Variants in CC2D1A observed in about 807,000 individuals in gnomAD.
CC2D1A encodes the protein coiled-coil and C2 domain-containing protein 1A.
CC2D1A carries 68 observed loss-of-function variants against 123.8 expected under a neutral mutation model. The observed-to-expected ratio is 0.55, with a 90% CI of 0.45 to 0.67. The LOEUF (loss-of-function observed/expected upper bound fraction) is 0.67. Among genes scored for constraint, CC2D1A ranks in the 30% least tolerant of loss-of-function variants. The pLI is 0.00. For missense variants in CC2D1A, 1,185 were observed against 1,290.3 expected, an observed-to-expected ratio of 0.92 and a Z score of 1.25; for synonymous variants, 477 against 528.0, an observed-to-expected ratio of 0.90 and a Z score of 1.32.
At chr19:13,910,064 C>A in intron 2 of CC2D1A, 106 bp downstream of exon 2, 1 of 1,121,548 alleles carries the variant, frequency 8.9e-7, no homozygotes, top group Non-Finnish European at 1.2e-6. Context: ...CAGAGAAGAC[C>A]CCTGTTCTCC....
At chr19:13,927,129 C>G (rs760259205) in intron 21 of CC2D1A, 46 bp from the exon 22 acceptor site, 64 of 1,611,000 alleles carry the variant, frequency 4.0e-5, no homozygotes, top group African/African-American at 1.7e-4. Flanking sequence ...GAGGGGAGCT[C>G]CTCTGAACCA....
rs373039847 is a variant in CC2D1A at position 13,928,169 on chromosome 19, G to T, written c.2500G>T (p.Ala834Ser). ...GAAGGCCCCTCCTGTGCCTGCCCCT[G>T]CAAGGGAGTCAGGGAACAGGTAGGT... ...KGKAPPVPAP[A>S]RESGNRSARP... Residue 834 changes from alanine (A) to serine (S), a missense_variant, in exon 24 of 29, where the codon GCA becomes TCA. By Grantham distance (99) the Ala-to-Ser change is moderately conservative. Coordinates refer to ENST00000318003, the MANE Select transcript of CC2D1A (RefSeq NM_017721.5). 1.5e-5 allele frequency: 24 copies of T among 1,613,338 alleles called. 1 individual carries two copies. Among genetic ancestry groups the T allele is most frequent in the Non-Finnish European group, 2.0e-5 (24 of 1,179,902 alleles).
chr19:13,927,140 A>T (rs1971672142), intron 21 of CC2D1A, 35 bp from the exon 22 acceptor site: 1 of 1,611,842 alleles, frequency 6.2e-7, no homozygotes, highest in South Asian at 1.1e-5. Context: ...CTCTGAACCA[A>T]CCATCCTGTC....
intron 2 of CC2D1A, 70 bp downstream of exon 2, chr19:13,910,028 G>A (rs1181306145): frequency 2.3e-5 from 33 of 1,406,940 alleles, no homozygotes; most frequent in Non-Finnish European, 2.8e-5. Flanking sequence ...AGAACTGGGG[G>A]CACTGGGTAG....
rs1970743857 is a variant in CC2D1A, at chr19:13,906,560, A to C, written c.60+59A>C. 2 of 1,183,212 alleles carry C rather than the reference A, an allele frequency of 1.7e-6. No homozygotes were observed. Among genetic ancestry groups the C allele is most frequent in the Non-Finnish European group, 2.3e-6 (2 of 883,366 alleles). 73.3% of individuals were successfully genotyped at this position (1,183,212 alleles called of 1,614,324 possible). A position where few individuals can be genotyped will look rare whatever the true frequency, so the allele number is the denominator to read the frequency against. ...CCCTCCCCACCCCCGTCACTCGCTC[A>C]GGGAAGGGCCCCACCCCCCAGGGAA... On this transcript the variant is annotated intron_variant, in intron 1 of 28. Coordinates refer to ENST00000318003, the MANE Select transcript of CC2D1A (RefSeq NM_017721.5). The surrounding 1 kb of genome is among the most constrained non-coding windows in gnomAD (Gnocchi z 4.1).
chr19:13,911,726 T>A, intron 2 of CC2D1A, among the ~76,000 whole-genome samples: 1 of 143,634 alleles, frequency 7.0e-6, no homozygotes, highest in Non-Finnish European at 1.5e-5. Flanking sequence ...TTTTTTTTTT[T>A]TTTTTTTGAG....
In CC2D1A at chr19:13,906,530, G is replaced by A. The variant is rs1381016302; in HGVS notation, c.60+29G>A. ...AGTTTGCGCCCCACGGCCCGACCTG[G>A]GGATCCCTCCCCACCCCCGTCACTC... On this transcript the variant is annotated intron_variant, in intron 1 of 28. Coordinates refer to ENST00000318003, the MANE Select transcript of CC2D1A (RefSeq NM_017721.5). This position sits in a 1 kb window ranked among gnomAD's most constrained non-coding sequence, Gnocchi z 4.1. 1.1e-5 allele frequency: 16 copies of A among 1,446,096 alleles called. No individual in the cohort carries two copies. In the Admixed American group the frequency reaches 3.8e-4, roughly 34 times the overall value. 89.6% of individuals were successfully genotyped at this position (1,446,096 alleles called of 1,614,324 possible).
At chr19:13,913,695 T>C in intron 6 of CC2D1A, 57 bp downstream of exon 6, 1 of 1,359,924 alleles carries the variant, frequency 7.4e-7, no homozygotes, top group Non-Finnish European at 1.0e-6. Flanking sequence ...TCTGGCAGGA[T>C]GCTGCTCTAG....
chr19:13,927,521 G>A (rs941101662), intron 22 of CC2D1A: 9 of 514,652 alleles, frequency 1.7e-5, no homozygotes, highest in Admixed American at 3.2e-5. Flanking sequence ...GCTCATGCCT[G>A]TAATCCCAGC....
chr19:13,913,076 G>T (rs1971060183), intron 4 of CC2D1A, 92 bp from the exon 5 acceptor site: 2 of 1,351,878 alleles, frequency 1.5e-6, no homozygotes, highest in Admixed American at 2.8e-5. Context: ...CTGGTCCAGG[G>T]ATGACATGGG....
chr19:13,909,357 C>T (rs1000456755), intron 1 of CC2D1A, among the ~76,000 whole-genome samples: 1 of 151,314 alleles, frequency 6.6e-6, no homozygotes, highest in African/African-American at 2.4e-5. Context: ...GCCTGGGTGA[C>T]AGAGCGAGAC....
chr19:13,919,669 T>G (rs1352667774), intron 11 of CC2D1A, 149 bp from the exon 12 acceptor site: 1 of 687,528 alleles, frequency 1.5e-6, no homozygotes, highest in Non-Finnish European at 2.1e-6. Flanking sequence ...CAGAGCGAGA[T>G]CCTGTCTCAA....
At chr19:13,910,120 C>T (rs909183516) in intron 2 of CC2D1A, among the ~76,000 whole-genome samples, 162 bp downstream of exon 2, 1 of 151,738 alleles carries the variant, frequency 6.6e-6, no homozygotes, top group Non-Finnish European at 1.5e-5. Context: ...ACTCTGAGGC[C>T]GGGCACGGTG....
chr19:13,912,359 G>T lies in CC2D1A; in HGVS notation c.233G>T (p.Ser78Ile). Residue 78 changes from serine (S) to isoleucine (I), a missense_variant, in exon 3 of 29, where the codon AGC becomes ATC. Physicochemically the swap from Ser to Ile is moderately radical, Grantham distance 142. Coordinates refer to ENST00000318003, the MANE Select transcript of CC2D1A (RefSeq NM_017721.5). Reference protein sequence around the residue: ...LPMEAIEKMASLCMRDPDEDE... With the variant: ...LPMEAIEKMAILCMRDPDEDE... ...ATGGAGGCCATTGAGAAGATGGCCA[G>T]CCTGTGCATGAGAGACCCGGATGAG... is the stretch of plus-strand genomic sequence containing the variant. The T allele has an allele frequency of 6.2e-7, 1 of 1,612,618 alleles. No individual in the cohort carries two copies. The highest frequency in any genetic ancestry group is 8.5e-7 in the Non-Finnish European group (1 of 1,179,422).
chr19:13,926,947 C>A (rs748315211), intron 20 of CC2D1A, 31 bp from the exon 21 acceptor site: 2 of 1,612,554 alleles, frequency 1.2e-6, no homozygotes, highest in Middle Eastern at 1.7e-4. Context: ...CCTGACCCCA[C>A]CCAACTTCCT....
chr19:13,929,360 T>A lies in CC2D1A; in HGVS notation c.2520-19T>A. On this transcript the variant is annotated intron_variant, in intron 24 of 28. Coordinates refer to ENST00000318003, the MANE Select transcript of CC2D1A (RefSeq NM_017721.5). The stretch of plus-strand genomic sequence containing the variant: ...CTGGGGGAATCTCTGCAGTCCCTTA[T>A]CCTTCCTCCACCCCTTAGATCAGCC... The A allele has an allele frequency of 6.2e-7, 1 of 1,613,092 alleles. No individual in the cohort carries two copies. The highest frequency in any genetic ancestry group is 8.5e-7 in the Non-Finnish European group (1 of 1,179,590).
chr19:13,919,207 G>A lies in CC2D1A; in HGVS notation c.1222+5G>A. ...CTGAATTGCCCGTGCCCCCAGGTAGGCCTTGCCCCTGTAGGCCTCGCCCCA... is the reference window on the plus strand; with the variant it reads ...CTGAATTGCCCGTGCCCCCAGGTAGACCTTGCCCCTGTAGGCCTCGCCCCA... On this transcript the variant is annotated splice_donor_5th_base_variant and intron_variant, in intron 11 of 28. Transcript: ENST00000318003. 1 of 1,609,554 alleles carries A rather than the reference G, an allele frequency of 6.2e-7. No individual in the cohort carries two copies. Among genetic ancestry groups the A allele is most frequent in the Non-Finnish European group, 8.5e-7 (1 of 1,177,856 alleles).
At chr19:13,927,431 C>G (rs1325227311) in intron 22 of CC2D1A, 166 bp downstream of exon 22, 1 of 617,768 alleles carries the variant, frequency 1.6e-6, no homozygotes, top group Non-Finnish European at 2.9e-6. Flanking sequence ...CTTGCAGTAC[C>G]CCACTCCATT....
At chr19:13,918,457 A>G (rs1348591123) in intron 7 of CC2D1A, 47 bp from the exon 8 acceptor site, 1 of 1,573,514 alleles carries the variant, frequency 6.4e-7, no homozygotes, top group Non-Finnish European at 8.7e-7. Context: ...ACAGGGTCCA[A>G]GCCCCCAACT....
Sources: gnomAD v4.1 joint callset for allele counts (sites outside exome capture counted in the v4.1 genomes callset) on GRCh38, gnomAD v4.1.1 for gene constraint, Gnocchi (gnomAD v3.1) non-coding constraint, MANE v1.5 for transcripts, NCBI Gene and HGNC (gene_info 2026-07-23, HGNC 2026-07-21) for gene names.